TTN: variants seen among roughly 807,000 people sequenced by gnomAD.
TTN encodes the protein connectin.
TTN carries 1,525 observed loss-of-function variants against 3,223.0 expected under a neutral mutation model. That is an observed-to-expected ratio of 0.47 (90% CI 0.45 to 0.49). TTN has a LOEUF of 0.49. Among genes scored for constraint, TTN ranks in the 20% least tolerant of loss-of-function variants. The pLI is 0.00. For missense variants in TTN, 40,786 were observed against 43,424.0 expected (o/e 0.94, Z 5.40); for synonymous variants, 14,094 against 15,161.0 (o/e 0.93, Z 5.17).
rs755992326 is a variant in TTN at position 178,563,314 on chromosome 2, A to G, written c.82818T>C (p.Val27606=). The G allele has an allele frequency of 6.2e-7, 1 of 1,613,594 alleles. No homozygotes were observed. The highest frequency in any genetic ancestry group is 1.1e-5 in the South Asian group (1 of 91,072). Reference sequence around the variant, plus strand: ...CCGCAGCAGCTTCTTTGACCTCTACAACATAGCCTTTAACAGGTGCGCCAC... The same window carrying G: ...CCGCAGCAGCTTCTTTGACCTCTACGACATAGCCTTTAACAGGTGCGCCAC... ...YDGGAPVKGY[V]VEVKEAAADE... The change falls in exon 326 of 363, where the codon GTT becomes GTC. Residue 27606 remains valine (V), a synonymous_variant. Transcript: ENST00000589042. The surrounding 1 kb of genome is among the most constrained non-coding windows in gnomAD (Gnocchi z 4.5).
chr2:178,714,856 G>T, intron 90 of TTN, 130 bp downstream of exon 90: 1 of 1,232,694 alleles, frequency 8.1e-7, no homozygotes, highest in Non-Finnish European at 1.1e-6. Flanking sequence ...AACAGAAAAG[G>T]ACTTGGAGAG....
rs2154336190 is a variant in TTN, at chr2:178,757,920, A to G, written c.10304-4T>C. ...TTTTCTTCAAATTTGCTAAATCCTG[A>G]AAAGAAGCATACCAATTTTTAATGT... On this transcript the variant is annotated splice_polypyrimidine_tract_variant and splice_region_variant and intron_variant, in intron 44 of 362. Transcript: ENST00000589042. 2 of 1,515,576 alleles carry G rather than the reference A, an allele frequency of 1.3e-6. No homozygotes were observed. The highest frequency in any genetic ancestry group is 1.8e-6 in the Non-Finnish European group (2 of 1,133,526). The allele number at this position is 1,515,576 out of a possible 1,614,324, so 93.9% of individuals were successfully genotyped here. A position where few individuals can be genotyped will look rare whatever the true frequency, so the allele number is the denominator to read the frequency against.
Position 178,591,162 on chromosome 2 carries a change from T to C in TTN, c.60563A>G (p.His20188Arg). ...AGGTGGCTGCCATGAGATAGTCATG[T>C]GTTCAGGAGTAACATCCAGAATATT... ...PINILDVTPE[H>R]MTISWQPPKD... The change falls in exon 304 of 363, where the codon CAC becomes CGC. Residue 20188 changes from histidine (H) to arginine (R), a missense_variant. Coordinates refer to ENST00000589042, the MANE Select transcript of TTN (RefSeq NM_001267550.2). 1.2e-6 allele frequency: 2 copies of C among 1,613,370 alleles called. No homozygotes were observed. The highest frequency in any genetic ancestry group is 1.7e-6 in the Non-Finnish European group (2 of 1,179,538).
intron 336 of TTN, 190 bp from the exon 337 acceptor site, chr2:178,550,463 T>C: frequency 1.8e-6 from 1 of 555,860 alleles, no homozygotes; most frequent in African/African-American, 1.9e-5. Flanking sequence ...TTGCCTATTA[T>C]TATTCCCTTT....
chr2:178,707,338 A>G (rs1012858254), intron 100 of TTN, among the ~76,000 whole-genome samples, 188 bp downstream of exon 100: 3 of 152,238 alleles, frequency 2.0e-5, no homozygotes, highest in Non-Finnish European at 4.4e-5. Context: ...AATTTCAGAT[A>G]CTTTGTATTG....
chr2:178,566,665 G>A lies in TTN; in HGVS notation c.79467C>T (p.Gly26489=), dbSNP rs1237078598. 2.5e-6 allele frequency: 4 copies of A among 1,612,894 alleles called. No homozygotes were observed. The highest frequency in any genetic ancestry group is 3.4e-6 in the Non-Finnish European group (4 of 1,179,696). ...CTACAATGTGTGCATTGGTAGGTGG[G>A]CCAGGTTTGAACACAGGATCACAGG... The part of the protein sequence containing the change: ...YKACDPVFKP[G]PPTNAHIVDT... Residue 26489 remains glycine, a synonymous_variant, in exon 326 of 363, where the codon GGC becomes GGT. Coordinates refer to ENST00000589042, the MANE Select transcript of TTN (RefSeq NM_001267550.2).
At chr2:178,723,803 C>T (rs2078858928) in intron 73 of TTN, 53 bp downstream of exon 73, 6 of 1,554,578 alleles carry the variant, frequency 3.9e-6, no homozygotes, top group African/African-American at 1.4e-5. Context: ...CATAGATGTG[C>T]ACCTGAAGAG....
rs372320928 is a variant in TTN, at chr2:178,677,732, C to T, written c.34180G>A (p.Glu11394Lys). 3.1e-6 allele frequency: 5 copies of T among 1,612,804 alleles called. 1 individual carries two copies. The South Asian group carries it at 3.3e-5, about 11-fold the overall frequency. ...VLPEEEEIPPEEEEVPPEEEY... is the reference protein window; with the variant it reads ...VLPEEEEIPPKEEEVPPEEEY... ...TCTTCGGGAGGAACTTCCTCTTCCT[C>T]AGGTGGAATTTCCTCTTCTTCAGGT... The change falls in exon 146 of 363, where the codon GAG (glutamate) becomes AAG (lysine). Residue 11394 changes from glutamate to lysine, a missense_variant. By Grantham distance (56) the Glu-to-Lys change is moderately conservative. Coordinates refer to ENST00000589042, the MANE Select transcript of TTN (RefSeq NM_001267550.2).
chr2:178,792,155 TTAC>T lies in TTN; in HGVS notation c.1576_1578del (p.Val526del). 6.2e-7 allele frequency: 1 copy of T among 1,611,708 alleles called. No homozygotes were observed. ...TGTTCTTTGGCTTTAGCTGCGGAAA[TTAC>T]TACCTTTGGTACAAATGTTTTTTCA... On this transcript the variant is annotated inframe_deletion, in exon 10 of 363. Transcript: ENST00000589042.
rs754605294 is a variant in TTN, at chr2:178,537,169, G to A, written c.99940C>T (p.Pro33314Ser). 1.2e-5 allele frequency: 19 copies of A among 1,613,506 alleles called. No individual in the cohort carries two copies. The African/African-American group carries it at 1.5e-4, about 12-fold the overall frequency. ...CAGGAGCCTCCGTCATCTGCGGGTG[G>A]TTTCCAGCTGATCACTGCGGAGTTC... ...LKNSAVISWK[P>S]PADDGGSWIT... Residue 33314 changes from proline (P) to serine (S), a missense_variant, in exon 356 of 363, where the codon CCA becomes TCA. Coordinates refer to ENST00000589042, the MANE Select transcript of TTN (RefSeq NM_001267550.2).
chr2:178,747,246 A>C lies in TTN; in HGVS notation c.11312-5325T>G, dbSNP rs764428660. 3 of 1,612,624 alleles carry C rather than the reference A, an allele frequency of 1.9e-6. No homozygotes were observed. In the South Asian group the frequency reaches 3.3e-5, roughly 18 times the overall value. On this transcript the variant is annotated intron_variant, in intron 47 of 362. Coordinates refer to ENST00000589042, the MANE Select transcript of TTN (RefSeq NM_001267550.2). Reference sequence around the variant, plus strand: ...TCTAGTGTCTCCCCTGGGGGTGTGGAGTATCTTTCTCCTACCTCACCTTCG... The same window carrying C: ...TCTAGTGTCTCCCCTGGGGGTGTGGCGTATCTTTCTCCTACCTCACCTTCG...
intron 135 of TTN, among the ~76,000 whole-genome samples, 157 bp downstream of exon 135, chr2:178,682,540 A>T (rs2069702138): frequency 6.6e-6 from 1 of 152,066 alleles, no homozygotes; most frequent in African/African-American, 2.4e-5. Context: ...TCTAGAAGTT[A>T]TCAAAGAAGA....
chr2:178,736,555 T>C (rs16866479), intron 49 of TTN, among the ~76,000 whole-genome samples: 3,071 of 152,280 alleles, frequency 0.02, 107 homozygotes, highest in African/African-American at 0.07. Context: ...GGCTTAACTA[T>C]GAATGCATCC....
chr2:178,592,693 A>C, intron 300 of TTN, 33 bp from the exon 301 acceptor site: 1 of 1,611,780 alleles, frequency 6.2e-7, no homozygotes, highest in East Asian at 2.2e-5. Flanking sequence ...CTCAGATTTG[A>C]TCCATAATGC....
chr2:178,535,238 C>T lies in TTN; in HGVS notation c.101377G>A (p.Asp33793Asn). ...KEDKTRAMNY[D>N]EEVDETREVS... is the part of the protein sequence containing the mutation. ...TCCCTGGTTTCATCTACCTCTTCAT[C>T]ATAGTTCATAGCTCTGGTCTTATCT... is the stretch of plus-strand genomic sequence containing the variant. Residue 33793 changes from aspartate (D) to asparagine (N), a missense_variant, in exon 358 of 363, where the codon GAT becomes AAT. Coordinates refer to ENST00000589042, the MANE Select transcript of TTN (RefSeq NM_001267550.2). 1 of 1,613,952 alleles carries T rather than the reference C, an allele frequency of 6.2e-7. No individual in the cohort carries two copies. Among genetic ancestry groups the T allele is most frequent in the Non-Finnish European group, 8.5e-7 (1 of 1,179,862 alleles).
chr2:178,697,245 C>A (rs866233103), intron 112 of TTN, 77 bp from the exon 113 acceptor site: 1 of 1,235,908 alleles, frequency 8.1e-7, no homozygotes, highest in South Asian at 1.8e-5. Flanking sequence ...TCCTCCACAT[C>A]ATTGTTAGTT....
In TTN at chr2:178,768,363, A is replaced by G. The variant is rs72647889; in HGVS notation, c.9164-208T>C. Reference sequence around the variant, plus strand: ...TAGCCATCACCCCAAGGACTTTTCTATTGTCTCCCCTGTAGACCTAAGCAA... The same window carrying G: ...TAGCCATCACCCCAAGGACTTTTCTGTTGTCTCCCCTGTAGACCTAAGCAA... On this transcript the variant is annotated intron_variant, in intron 38 of 362. Transcript: ENST00000589042. Among the ~76,000 whole-genome samples, 7,604 of 152,202 alleles carry G rather than the reference A, an allele frequency of 0.05. 368 individuals carry two copies. The highest frequency in any genetic ancestry group is 0.19 in the East Asian group (964 of 5,166).
At chr2:178,643,106 G>T (rs1159359121) in intron 218 of TTN, among the ~76,000 whole-genome samples, 1 of 151,860 alleles carries the variant, frequency 6.6e-6, no homozygotes, top group Non-Finnish European at 1.5e-5. Flanking sequence ...AACACGTGGT[G>T]ATTATTAAAC....
chr2:178,777,996 A>C (rs542373813), intron 24 of TTN, 21 bp from the exon 25 acceptor site: 2 of 1,611,308 alleles, frequency 1.2e-6, no homozygotes, highest in African/African-American at 2.7e-5. Context: ...AAGACACACA[A>C]TACTTTCGTG....
Sources: allele counts gnomAD v4.1 joint callset (sites outside exome capture counted in the v4.1 genomes callset), GRCh38; gene constraint gnomAD v4.1.1; non-coding constraint Gnocchi (gnomAD v3.1); transcripts MANE v1.5; gene names NCBI Gene and HGNC (gene_info 2026-07-23, HGNC 2026-07-21).